Variants in TUSC3 observed in about 807,000 individuals in gnomAD.
The protein encoded by TUSC3 is tumor suppressor candidate 3.
Under a neutral mutation model 44.8 loss-of-function variants are expected in TUSC3, and 45 were observed. The observed-to-expected ratio is 1.00, with a 90% confidence interval of 0.79 to 1.29. TUSC3 has a LOEUF of 1.29. Ranked by LOEUF, TUSC3 falls within the 50% of genes most tolerant of loss-of-function variation. TUSC3 has a pLI of 0.00. For synonymous variants in TUSC3, 212 were observed against 152.9 expected (o/e 1.39, Z -2.85); for missense variants, 519 against 437.9 (o/e 1.19, Z -1.65).
intron 2 of TUSC3, among the ~76,000 whole-genome samples, chr8:15,523,954 G>A (rs367791244): frequency 6.6e-6 from 1 of 150,874 alleles, no homozygotes; most frequent in Non-Finnish European, 1.5e-5. Flanking sequence ...TACTCGGGAG[G>A]CTGAGGCAGG....
At position 15,524,005 on chromosome 8, in the gene TUSC3, G is replaced by C. The variant is rs545954235; in HGVS notation, n.189+40522G>C. Among the ~76,000 whole-genome samples the C allele has an allele frequency of 2.0e-5, 3 of 148,760 alleles. No homozygotes were observed. In the South Asian group the frequency reaches 6.3e-4, roughly 31 times the overall value. Reference sequence around the variant, plus strand: ...CAGAAGGTGCAGGTTGCAGTGACCTGAGATTGCGCCACTGCACTCCAGCTT... The same window carrying C: ...CAGAAGGTGCAGGTTGCAGTGACCTCAGATTGCGCCACTGCACTCCAGCTT... On this transcript the variant is annotated intron_variant and non_coding_transcript_variant, in intron 2 of 5. Transcript: ENST00000503191.
intron 2 of TUSC3, among the ~76,000 whole-genome samples, chr8:15,515,929 A>G (rs1301880766): frequency 3.3e-5 from 5 of 152,026 alleles, no homozygotes. Context: ...TTGGCCTCCT[A>G]AAGTGCTGGG....
chr8:15,657,832 A>G (rs568255418), intron 3 of TUSC3, among the ~76,000 whole-genome samples: 2 of 152,276 alleles, frequency 1.3e-5, no homozygotes, highest in South Asian at 4.1e-4. Context: ...CTGAGACTGG[A>G]TAAGTATAAT....
At chr8:15,504,584 T>G (rs1414463635) in intron 2 of TUSC3, among the ~76,000 whole-genome samples, 7 of 18,074 alleles carry the variant, frequency 3.9e-4, no homozygotes, top group Non-Finnish European at 6.1e-4. Context: ...TCAGGATATA[T>G]ATATATATAT....
intron 6 of TUSC3, among the ~76,000 whole-genome samples, chr8:15,705,952 T>C (rs1400119278): frequency 1.3e-5 from 2 of 152,038 alleles, no homozygotes; most frequent in South Asian, 2.1e-4. Context: ...CTTGTTTTCT[T>C]ACATTTTAGA....
chr8:15,458,427 T>C (rs969726704), intron 1 of TUSC3, among the ~76,000 whole-genome samples: 1 of 152,044 alleles, frequency 6.6e-6, no homozygotes. Context: ...TTTGTAGAGA[T>C]GAGGTTTCAC....
chr8:15,621,553 T>TTA (rs1263731012), intron 1 of TUSC3, among the ~76,000 whole-genome samples: 13 of 147,428 alleles, frequency 8.8e-5, no homozygotes, highest in South Asian at 8.4e-4. Context: ...ATTTCCAAAG[T>TTA]TATATATATA....
intron 9 of TUSC3, among the ~76,000 whole-genome samples, chr8:15,755,543 G>A (rs1173362525): frequency 6.6e-6 from 1 of 151,918 alleles, no homozygotes; most frequent in Non-Finnish European, 1.5e-5. Flanking sequence ...TCTTGAAATT[G>A]TCAGTGAAAT....
At chr8:15,482,621 C>A (rs79456960) in intron 1 of TUSC3, among the ~76,000 whole-genome samples, 15 of 152,084 alleles carry the variant, frequency 9.9e-5, no homozygotes, top group Non-Finnish European at 2.1e-4. Context: ...CCTGCAAACA[C>A]AACATCCATT....
intron 6 of TUSC3, among the ~76,000 whole-genome samples, chr8:15,705,277 T>C (rs1385515361): frequency 6.6e-6 from 1 of 152,026 alleles, no homozygotes; most frequent in Non-Finnish European, 1.5e-5. Context: ...AGTTTCACAG[T>C]GGTATATTTG....
At chr8:15,681,058 T>C (rs1808407358) in intron 6 of TUSC3, among the ~76,000 whole-genome samples, 1 of 152,062 alleles carries the variant, frequency 6.6e-6, no homozygotes, top group Admixed American at 6.6e-5. Flanking sequence ...TGTTGTTGTG[T>C]CTTTGCCAGG....
At chr8:15,510,163 A>G (rs951454472) in intron 2 of TUSC3, among the ~76,000 whole-genome samples, 26 of 152,220 alleles carry the variant, frequency 1.7e-4, no homozygotes, top group Non-Finnish European at 7.3e-5. Context: ...CAGTGCCTTT[A>G]GATTAATACA....
chr8:15,425,931 G>A (rs955165897), intron 1 of TUSC3, among the ~76,000 whole-genome samples: 5 of 152,164 alleles, frequency 3.3e-5, no homozygotes, highest in East Asian at 1.9e-4. Flanking sequence ...TGAGAGGATC[G>A]CTTGAGCCCA....
chr8:15,582,738 T>C (rs1803424615), intron 1 of TUSC3, among the ~76,000 whole-genome samples: 2 of 152,208 alleles, frequency 1.3e-5, no homozygotes, highest in Non-Finnish European at 1.5e-5. Flanking sequence ...AAACCAGTTT[T>C]ATCTAATAGC....
chr8:15,717,337 T>C (rs936241591), intron 6 of TUSC3, among the ~76,000 whole-genome samples: 1 of 152,056 alleles, frequency 6.6e-6, no homozygotes, highest in South Asian at 2.1e-4. Flanking sequence ...GGAACAGCCT[T>C]AAGAACCTGT....
intron 2 of TUSC3, among the ~76,000 whole-genome samples, chr8:15,529,423 T>C (rs1334998674): frequency 2.0e-5 from 3 of 152,214 alleles, no homozygotes. Flanking sequence ...ATTATTACAA[T>C]ACTTTAATTA....
At chr8:15,616,229 G>A (rs1215839458) in intron 1 of TUSC3, among the ~76,000 whole-genome samples, 1 of 152,106 alleles carries the variant, frequency 6.6e-6, no homozygotes, top group East Asian at 1.9e-4. Flanking sequence ...AGTTTATAGT[G>A]ACATGTATTT....
chr8:15,665,362 G>C (rs923192588), intron 5 of TUSC3, among the ~76,000 whole-genome samples: 2 of 151,494 alleles, frequency 1.3e-5, no homozygotes, highest in Non-Finnish European at 3.0e-5. Context: ...GGTACAATTA[G>C]CAGTTGTGTC....
intron 2 of TUSC3, among the ~76,000 whole-genome samples, chr8:15,522,239 T>G (rs889053312): frequency 8.5e-5 from 13 of 152,050 alleles, no homozygotes; most frequent in African/African-American, 2.7e-4. Context: ...GCCCTTTGTT[T>G]TTTTTTTTTC....
Sources: gnomAD v4.1 joint callset for allele counts (sites outside exome capture counted in the v4.1 genomes callset) on GRCh38, gnomAD v4.1.1 for gene constraint, MANE v1.5 for transcripts, NCBI Gene and HGNC (gene_info 2026-07-23, HGNC 2026-07-21) for gene names.